Variants in LAPTM4B observed in about 807,000 individuals in gnomAD.
LAPTM4B encodes lysosomal protein transmembrane 4 beta, also known as lysosomal-associated transmembrane protein 4B.
In LAPTM4B, 26 loss-of-function variants were observed where a neutral mutation model predicts 28.5. That is an observed-to-expected ratio of 0.91 (90% CI 0.67 to 1.27). LAPTM4B has a LOEUF of 1.27. Among genes scored for constraint, LAPTM4B ranks in the 50% most tolerant of loss-of-function variants. LAPTM4B has a pLI of 0.00. For missense variants in LAPTM4B, 288 were observed against 285.8 expected, an observed-to-expected ratio of 1.01 and a Z score of -0.06; for synonymous variants, 109 against 106.4, an observed-to-expected ratio of 1.02 and a Z score of -0.15.
intron 4 of LAPTM4B, among the ~76,000 whole-genome samples, chr8:97,818,168 G>T (rs373392855): frequency 6.6e-6 from 1 of 152,242 alleles, no homozygotes; most frequent in Non-Finnish European, 1.5e-5. Flanking sequence ...AAAGAATGAC[G>T]ATTTTATTTC....
At chr8:97,797,197 C>T (rs1009318782) in intron 1 of LAPTM4B, among the ~76,000 whole-genome samples, 5 of 150,628 alleles carry the variant, frequency 3.3e-5, no homozygotes, top group Admixed American at 1.3e-4. Context: ...TGCAACGGTG[C>T]GACCTCGGCT....
In LAPTM4B at chr8:97,852,674, G is replaced by C. The variant is rs564985938; in HGVS notation, c.*1200G>C. 4 of 139,744 alleles carry C rather than the reference G, an allele frequency of 2.9e-5. No individual in the cohort carries two copies. The highest frequency in any genetic ancestry group is 4.0e-5 in the Non-Finnish European group (3 of 74,142). The allele number at this position is 139,744 out of a possible 1,614,324, so 8.7% of individuals were successfully genotyped here. A position where few individuals can be genotyped will look rare whatever the true frequency, so the allele number is the denominator to read the frequency against. On this transcript the variant is annotated 3_prime_UTR_variant, in exon 7 of 7. Transcript: ENST00000521545. ...ACATATGGTCTGGCAGATGCACCCA[G>C]TTCAGCCTAAGGAGTAGGCTTTTTT...
chr8:97,781,869 T>G (rs553265052), intron 1 of LAPTM4B, among the ~76,000 whole-genome samples: 1 of 152,362 alleles, frequency 6.6e-6, no homozygotes, highest in East Asian at 1.9e-4. Context: ...ATTGTATTAA[T>G]ATACCACAAT....
intron 1 of LAPTM4B, among the ~76,000 whole-genome samples, chr8:97,803,582 A>G (rs4735494): frequency 0.44 from 67,546 of 152,018 alleles, 15,492 homozygotes; most frequent in East Asian, 0.57. Context: ...CCAAAAATAA[A>G]CTCTTGAATG....
chr8:97,822,250 C>T (rs1371955987), intron 5 of LAPTM4B, among the ~76,000 whole-genome samples: 6 of 151,916 alleles, frequency 3.9e-5, no homozygotes, highest in Non-Finnish European at 8.8e-5. Context: ...GAAGGGTAGA[C>T]TCCCCTTTTG....
intron 6 of LAPTM4B, among the ~76,000 whole-genome samples, chr8:97,850,325 G>A (rs1218469485): frequency 2.6e-5 from 4 of 151,776 alleles, no homozygotes; most frequent in African/African-American, 7.3e-5. Context: ...TGGCACCTCC[G>A]TCACTCCGCA....
At chr8:97,827,494 G>A (rs1195209676) in intron 6 of LAPTM4B, among the ~76,000 whole-genome samples, 1 of 152,182 alleles carries the variant, frequency 6.6e-6, no homozygotes, top group Non-Finnish European at 1.5e-5. Context: ...TAATAAGCCA[G>A]TAAACCTCAG....
At chr8:97,799,598 A>G (rs568363030) in intron 1 of LAPTM4B, among the ~76,000 whole-genome samples, 47 of 152,294 alleles carry the variant, frequency 3.1e-4, no homozygotes, top group Admixed American at 1.2e-3. Context: ...ATCTGCAACA[A>G]TGGCCGCCTA....
chr8:97,779,881 A>G (rs1816282469), intron 1 of LAPTM4B, among the ~76,000 whole-genome samples: 1 of 151,516 alleles, frequency 6.6e-6, no homozygotes. Flanking sequence ...GTGAAACCTC[A>G]TCTCTACTAA....
intron 1 of LAPTM4B, among the ~76,000 whole-genome samples, chr8:97,801,392 A>G (rs542408226): frequency 2.0e-5 from 3 of 152,014 alleles, no homozygotes; most frequent in South Asian, 4.2e-4. Flanking sequence ...ACGTTGGCCA[A>G]ACTGGTCTCA....
chr8:97,819,294 C>A, intron 5 of LAPTM4B, 56 bp downstream of exon 5: 4 of 1,064,546 alleles, frequency 3.8e-6, no homozygotes, highest in Non-Finnish European at 5.6e-6. Flanking sequence ...TCCTGAATAC[C>A]AAATAAGTAA....
At chr8:97,817,513 T>A (rs1369071076) in intron 4 of LAPTM4B, among the ~76,000 whole-genome samples, 1 of 149,188 alleles carries the variant, frequency 6.7e-6, no homozygotes, top group Admixed American at 6.7e-5. Context: ...AGTGTTGTGA[T>A]CTCGGCTCAC....
intron 1 of LAPTM4B, among the ~76,000 whole-genome samples, chr8:97,803,036 TA>T (rs1347602708): frequency 3.3e-4 from 50 of 151,584 alleles, no homozygotes; most frequent in African/African-American, 1.2e-3. Flanking sequence ...CCATCTCTAC[TA>T]AAAATACAAA....
intron 1 of LAPTM4B, among the ~76,000 whole-genome samples, chr8:97,800,654 G>C (rs989944598): frequency 6.6e-6 from 1 of 151,702 alleles, no homozygotes; most frequent in Non-Finnish European, 1.5e-5. Flanking sequence ...GCACCACCAT[G>C]CCCGGCTAAT....
chr8:97,806,028 G>A (rs533264457), intron 2 of LAPTM4B, among the ~76,000 whole-genome samples: 3 of 152,154 alleles, frequency 2.0e-5, no homozygotes, highest in Non-Finnish European at 4.4e-5. Flanking sequence ...GAGGAGTAGT[G>A]CTGTGCATAA....
chr8:97,832,240 A>G (rs1422820566), intron 6 of LAPTM4B, among the ~76,000 whole-genome samples: 1 of 152,220 alleles, frequency 6.6e-6, no homozygotes, highest in Non-Finnish European at 1.5e-5. Context: ...AAATTTATCA[A>G]AATAGCTACA....
intron 1 of LAPTM4B, among the ~76,000 whole-genome samples, chr8:97,796,015 C>T (rs566883299): frequency 2.0e-4 from 30 of 150,880 alleles, no homozygotes; most frequent in African/African-American, 7.1e-4. Context: ...TCTTAGCTTA[C>T]CGCAGCCTCA....
chr8:97,806,923 A>T (rs1387430950), intron 2 of LAPTM4B, among the ~76,000 whole-genome samples: 1 of 152,116 alleles, frequency 6.6e-6, no homozygotes, highest in African/African-American at 2.4e-5. Flanking sequence ...GCGCCAGTGC[A>T]CTTCAGCCTG....
chr8:97,804,127 C>T (rs1269242283), intron 1 of LAPTM4B, among the ~76,000 whole-genome samples: 1 of 152,146 alleles, frequency 6.6e-6, no homozygotes, highest in African/African-American at 2.4e-5. Flanking sequence ...CACCTGTAGG[C>T]CCAGCTACTT....
Sources: allele counts gnomAD v4.1 joint callset (sites outside exome capture counted in the v4.1 genomes callset), GRCh38; gene constraint gnomAD v4.1.1; transcripts MANE v1.5; gene names NCBI Gene and HGNC (gene_info 2026-07-23, HGNC 2026-07-21).